PKD1: variants seen among roughly 807,000 people sequenced by gnomAD.
PKD1 encodes the protein polycystin-1.
PKD1 carries 81 observed loss-of-function variants against 361.7 expected under a neutral mutation model. The ratio of observed to expected loss-of-function variants is 0.22; its 90% CI spans 0.19 to 0.27. The LOEUF (loss-of-function observed/expected upper bound fraction) is 0.27. Among genes scored for constraint, PKD1 ranks in the 10% least tolerant of loss-of-function variants. PKD1 has a pLI of 1.00. For missense variants in PKD1, 6,399 were observed against 6,118.3 expected, an observed-to-expected ratio of 1.05 and a Z score of -1.53; for synonymous variants, 3,615 against 2,818.3, an observed-to-expected ratio of 1.28 and a Z score of -8.95.
chr16:2,119,386 G>A lies in PKD1; in HGVS notation c.216-8C>T, dbSNP rs1157566139. ...AGGTTGTGGGAGACGTCTCTGAGGA[G>A]TGAGTGGCCGTGGGTCAGGGCCAGA... On this transcript the variant is annotated splice_polypyrimidine_tract_variant and splice_region_variant and intron_variant, in intron 1 of 45. Coordinates refer to ENST00000262304, the MANE Select transcript of PKD1 (RefSeq NM_001009944.3). 6.8e-6 allele frequency: 10 copies of A among 1,470,570 alleles called. No homozygotes were observed. Among genetic ancestry groups the A allele is most frequent in the African/African-American group, 2.8e-5 (2 of 71,734 alleles). The allele number at this position is 1,470,570 out of a possible 1,614,324, so 91.1% of individuals were successfully genotyped here.
chr16:2,119,149 T>G lies in PKD1; in HGVS notation c.324A>C (p.Glu108Asp). The change falls in exon 3 of 46, where the codon GAA becomes GAC. Residue 108 changes from glutamate (E) to aspartate (D), a missense_variant. Physicochemically the swap from Glu to Asp is conservative, Grantham distance 45 (BLOSUM62 2). Transcript: ENST00000262304. Reference sequence around the variant, plus strand: ...AATTAAATAAATTAGCAAATATTCCTTCTTCTAACGTAGAAATCTTGTTGT... The same window carrying G: ...AATTAAATAAATTAGCAAATATTCCGTCTTCTAACGTAGAAATCTTGTTGT... ...ISNNKISTLEEGIFANLFNLS... is the reference protein window; with the variant it reads ...ISNNKISTLEDGIFANLFNLS... 6.7e-7 allele frequency: 1 copy of G among 1,489,794 alleles called. No homozygotes were observed. Among genetic ancestry groups the G allele is most frequent in the Middle Eastern group, 2.4e-4 (1 of 4,226 alleles). 92.3% of individuals were successfully genotyped at this position (1,489,794 alleles called of 1,614,324 possible). A position where few individuals can be genotyped will look rare whatever the true frequency, so the allele number is the denominator to read the frequency against.
At chr16:2,111,972 C>A (rs979547733) in intron 14 of PKD1, 101 bp from the exon 15 acceptor site, 2 of 1,261,894 alleles carry the variant, frequency 1.6e-6, no homozygotes, top group African/African-American at 3.0e-5. Context: ...TGAACGGCTG[C>A]ACCTGCGGCC....
At chr16:2,091,678 G>T (rs1326714674) in intron 41 of PKD1, 81 bp from the exon 42 acceptor site, 1 of 1,561,436 alleles carries the variant, frequency 6.4e-7, no homozygotes, top group Non-Finnish European at 8.6e-7. Context: ...GTGGCTGAGG[G>T]GCTGTGGAAG....
chr16:2,116,830 C>G lies in PKD1; in HGVS notation c.1606+3G>C. 1 of 1,520,146 alleles carries G rather than the reference C, an allele frequency of 6.6e-7. No individual in the cohort carries two copies. The highest frequency in any genetic ancestry group is 1.4e-5 in the African/African-American group (1 of 72,838). The allele number at this position is 1,520,146 out of a possible 1,614,324, so 94.2% of individuals were successfully genotyped here. A position where few individuals can be genotyped will look rare whatever the true frequency, so the allele number is the denominator to read the frequency against. On this transcript the variant is annotated splice_donor_region_variant and intron_variant, in intron 7 of 45. Coordinates refer to ENST00000262304, the MANE Select transcript of PKD1 (RefSeq NM_001009944.3). ...TCAGGCCCCTGCCTGGCCCCCCGCA[C>G]ACCTCCGGGCTGCAGCTCGCAGACG...
chr16:2,097,499 C>G lies in PKD1; in HGVS notation c.10225G>C (p.Val3409Leu), dbSNP rs61747420. 12,154 of 1,601,874 alleles carry G rather than the reference C, an allele frequency of 7.6e-3. 807 individuals carry two copies. The African/African-American group carries it at 0.14, about 18-fold the overall frequency. Reference sequence around the variant, plus strand: ...GTTCCCTCGCCGGAGGGCCAGCACACCAGACTGCAGGTGGCGCGGGTCAGC... The same window carrying G: ...GTTCCCTCGCCGGAGGGCCAGCACAGCAGACTGCAGGTGGCGCGGGTCAGC... Reference protein sequence around the residue: ...DLFLDDSKSLVCWPSGEGTLS... With the variant: ...DLFLDDSKSLLCWPSGEGTLS... The change falls in exon 33 of 46, where the codon GTG becomes CTG. Residue 3409 changes from valine (V) to leucine (L), a missense_variant. Coordinates refer to ENST00000262304, the MANE Select transcript of PKD1 (RefSeq NM_001009944.3).
At position 2,088,901 on chromosome 16, in the gene PKD1, T is replaced by A; in HGVS notation, c.*826A>T. On this transcript the variant is annotated 3_prime_UTR_variant, in exon 46 of 46. Transcript: ENST00000262304. Reference sequence around the variant, plus strand: ...CGCGCGCACACACACACACACACAGTCACCTTCCTCCACCCTGGGAGCCAG... The same window carrying A: ...CGCGCGCACACACACACACACACAGACACCTTCCTCCACCCTGGGAGCCAG... 1 of 379,086 alleles carries A rather than the reference T, an allele frequency of 2.6e-6. No individual in the cohort carries two copies. Among genetic ancestry groups the A allele is most frequent in the South Asian group, 2.9e-5 (1 of 35,016 alleles). 23.5% of individuals were successfully genotyped at this position (379,086 alleles called of 1,614,324 possible). A position where few individuals can be genotyped will look rare whatever the true frequency, so the allele number is the denominator to read the frequency against.
At chr16:2,135,149 G>A in intron 1 of PKD1, 1 of 972,696 alleles carries the variant, frequency 1.0e-6, no homozygotes, top group Non-Finnish European at 1.2e-6. Flanking sequence ...CGGGTACCCC[G>A]CAGCCCCAGG....
At chr16:2,096,683 T>C (rs749692361) in intron 34 of PKD1, 95 of 165,650 alleles carry the variant, frequency 5.7e-4, no homozygotes, top group Non-Finnish European at 1.1e-3. Context: ...GCCCGGCTAA[T>C]TTTTTGTATT....
rs368529453 is a variant in PKD1, at chr16:2,097,655, G to A, written c.10220+73C>T. 142 of 1,610,648 alleles carry A rather than the reference G, an allele frequency of 8.8e-5. 1 individual carries two copies. The East Asian group carries it at 9.4e-4, about 11-fold the overall frequency. ...AGCCACAGACACCCAGCAAGGACAC[G>A]CAGCCCGCACACCCCCGGCACCCCA... On this transcript the variant is annotated intron_variant, in intron 32 of 45. Coordinates refer to ENST00000262304, the MANE Select transcript of PKD1 (RefSeq NM_001009944.3).
Position 2,114,855 on chromosome 16 carries a change from G to A in PKD1, c.2168C>T (p.Pro723Leu). The change falls in exon 11 of 46, where the codon CCT (proline) becomes CTT (leucine). Residue 723 changes from proline to leucine, a missense_variant. By Grantham distance (98) the Pro-to-Leu change is moderately conservative. Coordinates refer to ENST00000262304, the MANE Select transcript of PKD1 (RefSeq NM_001009944.3). Reference protein sequence around the residue: ...DLVGLQHDAGPGALLHCSPAP... With the variant: ...DLVGLQHDAGLGALLHCSPAP... The stretch of plus-strand genomic sequence containing the variant: ...CGGCGAGCAGTGCAGGAGGGCGCCA[G>A]GGCCAGCGTCGTGCTGCAAGCCAAC... 4 of 1,491,530 alleles carry A rather than the reference G, an allele frequency of 2.7e-6. No homozygotes were observed. The highest frequency in any genetic ancestry group is 2.0e-5 in the Admixed American group (1 of 51,036). 92.4% of individuals were successfully genotyped at this position (1,491,530 alleles called of 1,614,324 possible). A position where few individuals can be genotyped will look rare whatever the true frequency, so the allele number is the denominator to read the frequency against.
chr16:2,092,608 TCA>T lies in PKD1; in HGVS notation c.11157-18_11157-17del, dbSNP rs750756196. The T allele has an allele frequency of 1.3e-5, 20 of 1,561,256 alleles. No homozygotes were observed. The highest frequency in any genetic ancestry group is 1.8e-5 in the Non-Finnish European group (20 of 1,136,206). Reference sequence around the variant, plus strand: ...CTCCTCAGACCTGCCACAGCATCAGTCACACGCTCCAGCCCCTACTGCCCCAT... The same window carrying T: ...CTCCTCAGACCTGCCACAGCATCAGTCACGCTCCAGCCCCTACTGCCCCAT... On this transcript the variant is annotated splice_polypyrimidine_tract_variant and intron_variant, in intron 38 of 45. Coordinates refer to ENST00000262304, the MANE Select transcript of PKD1 (RefSeq NM_001009944.3).
In PKD1 at chr16:2,089,547, T is replaced by C. The variant is rs1210080735; in HGVS notation, c.*180A>G. 2 of 720,224 alleles carry C rather than the reference T, an allele frequency of 2.8e-6. No homozygotes were observed. The highest frequency in any genetic ancestry group is 3.5e-5 in the African/African-American group (2 of 56,902). The allele number at this position is 720,224 out of a possible 1,614,324, so 44.6% of individuals were successfully genotyped here. A position where few individuals can be genotyped will look rare whatever the true frequency, so the allele number is the denominator to read the frequency against. ...GAGCTGGGGAGGGGACCCTGGGTCC[T>C]GGTTGGCCACACAGCCTCTTTAAAG... On this transcript the variant is annotated 3_prime_UTR_variant, in exon 46 of 46. Transcript: ENST00000262304.
chr16:2,100,023 T>A lies in PKD1; in HGVS notation c.9761A>T (p.Gln3254Leu), dbSNP rs1313285288. The A allele has an allele frequency of 6.3e-7, 1 of 1,578,136 alleles. No individual in the cohort carries two copies. ...GATGTGCTTGTCAAAGAAGCCACGC[T>A]GCAGCTCAGCCACCAGCAGGCGCCG... ...RFRRLLVAELQRGFFDKHIWL... is the reference protein window; with the variant it reads ...RFRRLLVAELLRGFFDKHIWL... Residue 3254 changes from glutamine to leucine, a missense_variant, in exon 29 of 46, where the codon CAG becomes CTG. Physicochemically the swap from Gln to Leu is moderately radical, Grantham distance 113. Transcript: ENST00000262304. This position sits in a 1 kb window ranked among gnomAD's most constrained non-coding sequence, Gnocchi z 4.4.
At chr16:2,125,677 T>C (rs1304737645) in intron 1 of PKD1, among the ~76,000 whole-genome samples, 2 of 149,856 alleles carry the variant, frequency 1.3e-5, no homozygotes, top group African/African-American at 5.0e-5. Flanking sequence ...ACCTGTGGGG[T>C]GTAGGAAGGA....
chr16:2,129,505 C>A (rs974649885), intron 1 of PKD1, among the ~76,000 whole-genome samples: 1 of 149,000 alleles, frequency 6.7e-6, no homozygotes, highest in African/African-American at 2.5e-5. Context: ...GCCATCTGTG[C>A]GTCTTCTTTG....
At position 2,089,553 on chromosome 16, in the gene PKD1, G is replaced by C. The variant is rs988349329; in HGVS notation, c.*174C>G. 32 of 775,192 alleles carry C rather than the reference G, an allele frequency of 4.1e-5. No homozygotes were observed. In the African/African-American group the frequency reaches 5.0e-4, roughly 12 times the overall value. The allele number at this position is 775,192 out of a possible 1,614,324, so 48.0% of individuals were successfully genotyped here. On this transcript the variant is annotated 3_prime_UTR_variant, in exon 46 of 46. Coordinates refer to ENST00000262304, the MANE Select transcript of PKD1 (RefSeq NM_001009944.3). ...GGGAGGGGACCCTGGGTCCTGGTTG[G>C]CCACACAGCCTCTTTAAAGTGCTGA...
At position 2,090,152 on chromosome 16, in the gene PKD1, A is replaced by G. The variant is rs1186905230; in HGVS notation, c.12487T>C (p.Ser4163Pro). 1 of 1,596,190 alleles carries G rather than the reference A, an allele frequency of 6.3e-7. No individual in the cohort carries two copies. The highest frequency in any genetic ancestry group is 8.5e-7 in the Non-Finnish European group (1 of 1,170,704). ...VRFEGMEPLP[S>P]RSSRGSKVSP... ...ACCTTGGAGCCCCTGGAGGAGCGAG[A>G]GGGCAGCGGCTCCATCCCTTCAAAG... Residue 4163 changes from serine to proline, a missense_variant, in exon 46 of 46, where the codon TCT becomes CCT. Ser to Pro is a moderately conservative substitution (Grantham distance 74, BLOSUM62 -1). Transcript: ENST00000262304.
rs142712914 is a variant in PKD1, at chr16:2,111,482, C to T, written c.3685G>A (p.Val1229Met). 1.4e-4 allele frequency: 232 copies of T among 1,611,292 alleles called. No homozygotes were observed. Among genetic ancestry groups the T allele is most frequent in the Non-Finnish European group, 1.9e-4 (222 of 1,179,422 alleles). ...GTCTGCACCGCGGCGCTGACCACCA[C>T]GGGGGCGCCCTGCTCCACGGCCAGG... ...MSLAVEQGAP[V>M]VVSAAVQTGD... The change falls in exon 15 of 46, where the codon GTG becomes ATG. Residue 1229 changes from valine (V) to methionine (M), a missense_variant. Transcript: ENST00000262304.
chr16:2,110,521 C>T lies in PKD1; in HGVS notation c.4646G>A (p.Arg1549Gln), dbSNP rs530555146. ...WLNVTVKRRV[R>Q]GLVVNASRTV... ...GCGGCTTGCATTGACGACGAGCCCC[C>T]GCACGCGCCGCTTCACCGTCACATT... The change falls in exon 15 of 46, where the codon CGG (arginine) becomes CAG (glutamine). Residue 1549 changes from arginine to glutamine, a missense_variant. Coordinates refer to ENST00000262304, the MANE Select transcript of PKD1 (RefSeq NM_001009944.3). The T allele has an allele frequency of 4.3e-6, 7 of 1,611,788 alleles. No individual in the cohort carries two copies. Among genetic ancestry groups the T allele is most frequent in the East Asian group, 2.2e-5 (1 of 44,884 alleles).
Sources: allele counts gnomAD v4.1 joint callset (sites outside exome capture counted in the v4.1 genomes callset), GRCh38; gene constraint gnomAD v4.1.1; non-coding constraint Gnocchi (gnomAD v3.1); transcripts MANE v1.5; gene names NCBI Gene and HGNC (gene_info 2026-07-23, HGNC 2026-07-21).